The following SLC5A9 variants were observed in gnomAD, a reference collection of about 807,000 sequenced individuals.
SLC5A9 encodes sodium/glucose cotransporter 4.
A neutral mutation model predicts 70.9 loss-of-function variants in SLC5A9; 59 were observed. The ratio of observed to expected loss-of-function variants is 0.83; its 90% CI spans 0.68 to 1.03. The LOEUF is 1.03. Ranked by LOEUF, SLC5A9 falls within the 50% of genes least tolerant of loss-of-function variation. SLC5A9 has a pLI of 0.00. For synonymous variants in SLC5A9, 340 were observed against 346.5 expected (o/e 0.98, Z 0.21); for missense variants, 832 against 881.1 (o/e 0.94, Z 0.71).
chr1:48,229,536 G>T (rs1644217241), intron 4 of SLC5A9, 77 bp downstream of exon 4: 1 of 1,568,654 alleles, frequency 6.4e-7, no homozygotes. Flanking sequence ...CCATGTGCGT[G>T]TTGCTGAGGG....
intron 5 of SLC5A9, among the ~76,000 whole-genome samples, chr1:48,231,055 A>T (rs1225640887): frequency 6.6e-6 from 1 of 152,194 alleles, no homozygotes; most frequent in Admixed American, 6.5e-5. Flanking sequence ...GACCCAAGCC[A>T]GAGTCACTGC....
chr1:48,228,749 G>T, intron 2 of SLC5A9, 101 bp from the exon 3 acceptor site: 1 of 1,551,864 alleles, frequency 6.4e-7, no homozygotes, highest in Non-Finnish European at 8.7e-7. Context: ...GCATACAGTG[G>T]GTACCCAACA....
intron 12 of SLC5A9, 127 bp from the exon 13 acceptor site, chr1:48,242,330 C>A: frequency 8.7e-7 from 1 of 1,151,958 alleles, no homozygotes; most frequent in Non-Finnish European, 1.2e-6. Context: ...CTCCTGACTC[C>A]CAGCCCTGGC....
Position 48,237,862 on chromosome 1 carries a change from C to T in SLC5A9, c.1461+15C>T, listed in dbSNP as rs766047570. Reference sequence around the variant, plus strand: ...TCACAGAGCCCGTGAGTGCAGTGTACCTGTCTCTCACATACAGCAGAGGGG... The same window carrying T: ...TCACAGAGCCCGTGAGTGCAGTGTATCTGTCTCTCACATACAGCAGAGGGG... On this transcript the variant is annotated intron_variant, in intron 11 of 13. Transcript: ENST00000438567. The T allele has an allele frequency of 1.8e-5, 29 of 1,613,344 alleles. No individual in the cohort carries two copies. Among genetic ancestry groups the T allele is most frequent in the Non-Finnish European group, 2.2e-5 (26 of 1,179,650 alleles).
Position 48,229,400 on chromosome 1 carries a change from AGG to A in SLC5A9, c.446_447del (p.Arg149AsnfsTer21), listed in dbSNP as rs1644214412. 4 of 1,614,048 alleles carry A rather than the reference AGG, an allele frequency of 2.5e-6. No homozygotes were observed. The highest frequency in any genetic ancestry group is 3.4e-6 in the Non-Finnish European group (4 of 1,180,050). ...TCTGAAGAAGCGATTTGGGGGCCAG[AGG>A]ATCCAGGTGTACATGTCTGTCCTGT... Reference protein sequence around the residue: ...QYLKKRFGGQRIQVYMSVLSL... With the variant: ...QYLKKRFGGQXIQVYMSVLSL... On this transcript the variant is annotated frameshift_variant, in exon 4 of 14. Coordinates refer to ENST00000438567, the MANE Select transcript of SLC5A9 (RefSeq NM_001011547.3). LOFTEE classifies it high-confidence loss of function.
At chr1:48,227,217 T>A (rs1482226438) in intron 2 of SLC5A9, among the ~76,000 whole-genome samples, 1 of 145,278 alleles carries the variant, frequency 6.9e-6, no homozygotes, top group South Asian at 2.1e-4. Context: ...TGCATGTGTG[T>A]GTGCATGTGT....
At chr1:48,235,355 C>G (rs1644311797) in intron 9 of SLC5A9, among the ~76,000 whole-genome samples, 1 of 152,172 alleles carries the variant, frequency 6.6e-6, no homozygotes, top group Admixed American at 6.5e-5. Context: ...AGCAGCAACC[C>G]ACTAACCAAG....
Position 48,228,957 on chromosome 1 carries a change from A to G in SLC5A9, c.339+3A>G, listed in dbSNP as rs1226990253. 1 of 1,613,266 alleles carries G rather than the reference A, an allele frequency of 6.2e-7. No homozygotes were observed. The highest frequency in any genetic ancestry group is 8.5e-7 in the Non-Finnish European group (1 of 1,180,024). ...CCGTAGGTGGCTTCGAGTGGAACGT[A>G]AGGAAGCTGGCCTGGTTTCTCCAGA... On this transcript the variant is annotated splice_donor_region_variant and intron_variant, in intron 3 of 13. Coordinates refer to ENST00000438567, the MANE Select transcript of SLC5A9 (RefSeq NM_001011547.3).
intron 7 of SLC5A9, 30 bp from the exon 8 acceptor site, chr1:48,232,337 C>T (rs375690268): frequency 2.5e-5 from 41 of 1,611,944 alleles, no homozygotes; most frequent in African/African-American, 8.0e-5. Flanking sequence ...CCTCTACCTG[C>T]GCTGCACTCC....
chr1:48,231,437 G>A, intron 5 of SLC5A9, 108 bp from the exon 6 acceptor site: 1 of 1,347,374 alleles, frequency 7.4e-7, no homozygotes, highest in Middle Eastern at 2.6e-4. Context: ...CCTGCTAAGA[G>A]GGCTGTGTGT....
At chr1:48,225,428 T>C (rs1039103287) in intron 2 of SLC5A9, among the ~76,000 whole-genome samples, 27 of 152,092 alleles carry the variant, frequency 1.8e-4, no homozygotes, top group African/African-American at 6.5e-4. Flanking sequence ...CAAACCTTCG[T>C]GAGCCACAAT....
rs12040115 is a variant in SLC5A9 at position 48,247,428 on chromosome 1, C to T, written c.1931C>T (p.Ala644Val). Residue 644 changes from alanine (A) to valine (V), a missense_variant, in exon 14 of 14, where the codon GCG (alanine) becomes GTG (valine). By Grantham distance (64) the Ala-to-Val change is moderately conservative. Coordinates refer to ENST00000438567, the MANE Select transcript of SLC5A9 (RefSeq NM_001011547.3). Reference sequence around the variant, plus strand: ...GCCCTGAGCCCAGCAGAGAAGGCTGCGCTAGAACAGAAGCTGACAAGCATT... The same window carrying T: ...GCCCTGAGCCCAGCAGAGAAGGCTGTGCTAGAACAGAAGCTGACAAGCATT... ...EQALSPAEKA[A>V]LEQKLTSIEE... is the part of the protein sequence containing the mutation. The T allele has an allele frequency of 2.1e-5, 34 of 1,614,108 alleles. No homozygotes were observed. The South Asian group carries it at 2.2e-4, about 10-fold the overall frequency.
intron 13 of SLC5A9, among the ~76,000 whole-genome samples, chr1:48,244,135 A>C (rs1644423079): frequency 6.6e-6 from 1 of 152,230 alleles, no homozygotes; most frequent in African/African-American, 2.4e-5. Flanking sequence ...TTTTTTAAAA[A>C]GAGGTCTCAG....
At position 48,227,112 on chromosome 1, in the gene SLC5A9, C is replaced by T. The variant is rs1644159912; in HGVS notation, c.235-1738C>T. Reference sequence around the variant, plus strand: ...GTGTGAGGGCATATGAGGACATGTGCATGTGTGTGAGTGTATGTGTGCGAC... The same window carrying T: ...GTGTGAGGGCATATGAGGACATGTGTATGTGTGTGAGTGTATGTGTGCGAC... On this transcript the variant is annotated intron_variant, in intron 2 of 13. Transcript: ENST00000438567. Among the ~76,000 whole-genome samples, 3 of 150,578 alleles carry T rather than the reference C, an allele frequency of 2.0e-5. No homozygotes were observed. In the South Asian group the frequency reaches 6.3e-4, roughly 31 times the overall value.
intron 8 of SLC5A9, among the ~76,000 whole-genome samples, chr1:48,233,012 A>AAC (rs1256191482): frequency 1.7e-5 from 2 of 116,228 alleles, no homozygotes; most frequent in Non-Finnish European, 3.8e-5. Flanking sequence ...GGAAGGAACG[A>AAC]AGAGAGGGAG....
Position 48,232,391 on chromosome 1 carries a change from G to T in SLC5A9, c.922G>T (p.Ala308Ser), listed in dbSNP as rs376782403. Residue 308 changes from alanine (A) to serine (S), a missense_variant, in exon 8 of 14, where the codon GCC (alanine) becomes TCC (serine). Coordinates refer to ENST00000438567, the MANE Select transcript of SLC5A9 (RefSeq NM_001011547.3). ...DQVIVQRSLS[A>S]KSLSHAKGGS... ...GGTCATTGTGCAGCGGTCTCTCTCGGCCAAGAGTCTGTCTCATGCCAAGGG... is the reference window on the plus strand; with the variant it reads ...GGTCATTGTGCAGCGGTCTCTCTCGTCCAAGAGTCTGTCTCATGCCAAGGG... 6.2e-7 allele frequency: 1 copy of T among 1,614,146 alleles called. No homozygotes were observed. Among genetic ancestry groups the T allele is most frequent in the Non-Finnish European group, 8.5e-7 (1 of 1,180,030 alleles).
At chr1:48,224,694 AAAT>A in intron 1 of SLC5A9, 27 bp from the exon 2 acceptor site, 1 of 1,610,860 alleles carries the variant, frequency 6.2e-7, no homozygotes, top group Non-Finnish European at 8.5e-7. Flanking sequence ...GAGTCTTGAG[AAAT>A]CCTCATCTCA....
rs752632309 is a variant in SLC5A9, at chr1:48,224,727, T to G, written c.166T>G (p.Ser56Ala). ...VFVIAVGIWSSIRASRGTIGG... is the reference protein window; with the variant it reads ...VFVIAVGIWSAIRASRGTIGG... ...ATCTCATCTATTTCCTTTCCAGTCGTCCATCCGTGCAAGTCGAGGGACCAT... is the reference window on the plus strand; with the variant it reads ...ATCTCATCTATTTCCTTTCCAGTCGGCCATCCGTGCAAGTCGAGGGACCAT... The change falls in exon 2 of 14, where the codon TCC becomes GCC. Residue 56 changes from serine to alanine, a missense_variant. Ser to Ala is a moderately conservative substitution (Grantham distance 99). Coordinates refer to ENST00000438567, the MANE Select transcript of SLC5A9 (RefSeq NM_001011547.3). 1 of 1,614,062 alleles carries G rather than the reference T, an allele frequency of 6.2e-7. No individual in the cohort carries two copies.
chr1:48,233,189 C>T (rs1040864357), intron 8 of SLC5A9, among the ~76,000 whole-genome samples: 16 of 151,586 alleles, frequency 1.1e-4, no homozygotes, highest in Admixed American at 2.0e-4. Context: ...GGTAAAACCC[C>T]GTCTCTACTA....
Sources: allele counts gnomAD v4.1 joint callset (sites outside exome capture counted in the v4.1 genomes callset), GRCh38; gene constraint gnomAD v4.1.1; transcripts MANE v1.5; gene names NCBI Gene and HGNC (gene_info 2026-07-23, HGNC 2026-07-21).